Variants in PDE4D observed in about 807,000 individuals in gnomAD.
PDE4D encodes 3',5'-cyclic-AMP phosphodiesterase 4D.
PDE4D carries 24 observed loss-of-function variants against 87.4 expected under a neutral mutation model. The ratio of observed to expected loss-of-function variants is 0.27; its 90% CI spans 0.20 to 0.39. The LOEUF (loss-of-function observed/expected upper bound fraction) is 0.39, where lower values mean the gene tolerates loss of function less well. Ranked by LOEUF, PDE4D falls within the 10% of genes least tolerant of loss-of-function variation. PDE4D has a pLI of 1.00. For missense variants in PDE4D, 714 were observed against 1,041.0 expected (o/e 0.69, Z 4.32); for synonymous variants, 384 against 383.2 (o/e 1.00, Z -0.02).
intron 1 of PDE4D, among the ~76,000 whole-genome samples, chr5:59,284,635 A>G (rs1297544415): frequency 7.5e-6 from 1 of 132,934 alleles, no homozygotes; most frequent in Non-Finnish European, 1.6e-5. Flanking sequence ...TAGTTCAACC[A>G]TTGTGGAAGT....
intron 5 of PDE4D, among the ~76,000 whole-genome samples, chr5:59,110,697 C>T (rs956966844): frequency 2.6e-5 from 4 of 152,026 alleles, no homozygotes; most frequent in South Asian, 2.1e-4. Flanking sequence ...CATGGCGAGA[C>T]CCGATCTTTA....
chr5:59,022,995 G>A (rs1389614442), intron 6 of PDE4D, among the ~76,000 whole-genome samples: 3 of 152,126 alleles, frequency 2.0e-5, no homozygotes, highest in Non-Finnish European at 4.4e-5. Flanking sequence ...CCAACATAGT[G>A]AAACCCTGTC....
chr5:59,599,592 C>G (rs1246097700), intron 1 of PDE4D, among the ~76,000 whole-genome samples: 2 of 152,064 alleles, frequency 1.3e-5, no homozygotes, highest in Non-Finnish European at 2.9e-5. Flanking sequence ...TACTGTTAGG[C>G]AATAGAGACC....
intron 1 of PDE4D, among the ~76,000 whole-genome samples, chr5:59,628,798 G>A (rs1831206395): frequency 6.6e-6 from 1 of 152,206 alleles, no homozygotes; most frequent in African/African-American, 2.4e-5. Flanking sequence ...AGAAAAGGTA[G>A]TTGTATTAGT....
At chr5:59,045,524 G>T (rs1760463648) in intron 5 of PDE4D, among the ~76,000 whole-genome samples, 1 of 134,986 alleles carries the variant, frequency 7.4e-6, no homozygotes, top group Non-Finnish European at 1.5e-5. Context: ...TTGCACTCCA[G>T]CCTGGGCAAC....
At chr5:59,479,133 G>C (rs1803811372) in intron 1 of PDE4D, among the ~76,000 whole-genome samples, 1 of 152,016 alleles carries the variant, frequency 6.6e-6, no homozygotes, top group Admixed American at 6.6e-5. Context: ...TTGATGGTTT[G>C]GGTCCTAGCT....
chr5:59,876,834 C>T (rs937461259), intron 1 of PDE4D, among the ~76,000 whole-genome samples: 2 of 152,018 alleles, frequency 1.3e-5, no homozygotes, highest in Non-Finnish European at 2.9e-5. Context: ...AAGTTTTTAT[C>T]TCATAGAAAG....
At chr5:59,916,983 T>TTTTTC (rs1364795492) in intron 3 of PDE4D, among the ~76,000 whole-genome samples, 2 of 121,876 alleles carry the variant, frequency 1.6e-5, no homozygotes, top group African/African-American at 7.3e-5. Context: ...TTTTTTTTTT[T>TTTTTC]AGTAGAGAGG....
chr5:59,870,747 G>A (rs899644725), intron 1 of PDE4D, among the ~76,000 whole-genome samples: 1 of 152,124 alleles, frequency 6.6e-6, no homozygotes, highest in Non-Finnish European at 1.5e-5. Context: ...GCCAAGACAG[G>A]GAGATTGTAC....
chr5:59,120,666 T>TA (rs11349022), intron 5 of PDE4D, among the ~76,000 whole-genome samples: 62 of 149,504 alleles, frequency 4.1e-4, no homozygotes, highest in African/African-American at 1.2e-3. Flanking sequence ...TTCACAGAAA[T>TA]AAAAAAAAAC....
chr5:59,967,867 T>C (rs1561922275), intron 3 of PDE4D, among the ~76,000 whole-genome samples: 3 of 151,948 alleles, frequency 2.0e-5, no homozygotes, highest in East Asian at 3.9e-4. Flanking sequence ...CAATAGTAGA[T>C]TGCATAAAGA....
chr5:60,377,658 TC>T (rs1171638620), intron 1 of PDE4D, among the ~76,000 whole-genome samples: 6 of 152,170 alleles, frequency 3.9e-5, no homozygotes, highest in Non-Finnish European at 8.8e-5. Context: ...CAAAGAATGA[TC>T]CCAGAGGTAA....
chr5:59,389,894 T>C (rs1421934567), intron 1 of PDE4D, among the ~76,000 whole-genome samples: 1 of 152,112 alleles, frequency 6.6e-6, no homozygotes, highest in Non-Finnish European at 1.5e-5. Flanking sequence ...GGTACAAGCA[T>C]ATAGTTAGAT....
intron 2 of PDE4D, among the ~76,000 whole-genome samples, chr5:60,096,861 A>G (rs1323506780): frequency 6.6e-6 from 1 of 152,088 alleles, no homozygotes; most frequent in East Asian, 1.9e-4. Context: ...GTTTATAAGC[A>G]AATATCTAAT....
chr5:59,149,060 C>G (rs994673989), intron 5 of PDE4D, among the ~76,000 whole-genome samples: 4 of 152,082 alleles, frequency 2.6e-5, no homozygotes, highest in African/African-American at 4.8e-5. Flanking sequence ...CAATCATCAG[C>G]TCATGGGATT....
chr5:59,501,627 T>C (rs2153664475), intron 1 of PDE4D, among the ~76,000 whole-genome samples: 1 of 152,162 alleles, frequency 6.6e-6, no homozygotes, highest in Middle Eastern at 3.4e-3. Context: ...AACCCAGCAG[T>C]TGTGTACAAT....
chr5:59,373,431 A>C (rs1236335575), intron 1 of PDE4D, among the ~76,000 whole-genome samples: 1 of 152,218 alleles, frequency 6.6e-6, no homozygotes, highest in African/African-American at 2.4e-5. Context: ...AATCTCAGAA[A>C]TCTCAGAGCT....
intron 1 of PDE4D, among the ~76,000 whole-genome samples, chr5:59,599,803 C>T (rs980895671): frequency 2.0e-5 from 3 of 152,148 alleles, no homozygotes; most frequent in African/African-American, 4.8e-5. Context: ...CTTGGCTATC[C>T]AGGCTGGCTA....
intron 1 of PDE4D, among the ~76,000 whole-genome samples, chr5:59,891,813 C>T (rs1336189127): frequency 8.5e-6 from 1 of 117,482 alleles, no homozygotes; most frequent in Non-Finnish European, 1.9e-5. Flanking sequence ...ACACAAAACT[C>T]AAACACACAT....
Sources: allele counts gnomAD v4.1 joint callset (sites outside exome capture counted in the v4.1 genomes callset), GRCh38; gene constraint gnomAD v4.1.1; transcripts MANE v1.5; gene names NCBI Gene and HGNC (gene_info 2026-07-23, HGNC 2026-07-21).